ATP8B4: variants seen among roughly 807,000 people sequenced by gnomAD.
The protein encoded by ATP8B4 is probable phospholipid-transporting ATPase IM.
Under a neutral mutation model 145.6 loss-of-function variants are expected in ATP8B4, and 133 were observed. The observed-to-expected ratio is 0.91, with a 90% CI of 0.79 to 1.05. The LOEUF is 1.05. Ranked by LOEUF, ATP8B4 falls within the 50% of genes least tolerant of loss-of-function variation. The probability of loss-of-function intolerance (pLI) is 0.00; values close to 1 mark genes in which losing one functional copy is unlikely to be tolerated. For synonymous variants in ATP8B4, 507 were observed against 492.9 expected (o/e 1.03, Z -0.38); for missense variants, 1,458 against 1,425.2 (o/e 1.02, Z -0.37).
intron 12 of ATP8B4, among the ~76,000 whole-genome samples, chr15:49,975,345 T>A (rs1350922716): frequency 1.3e-5 from 2 of 152,168 alleles, no homozygotes; most frequent in African/African-American, 4.8e-5. Flanking sequence ...GTCCCTTGAA[T>A]CTGTGGGGGA....
intron 15 of ATP8B4, 149 bp from the exon 16 acceptor site, chr15:49,931,456 C>G: frequency 4.2e-6 from 3 of 714,790 alleles, no homozygotes; most frequent in Non-Finnish European, 6.8e-6. Flanking sequence ...TACTCACCAA[C>G]AGCTCAATCT....
chr15:49,883,100 G>A (rs2035676336), intron 23 of ATP8B4: 1 of 151,720 alleles, frequency 6.6e-6, no homozygotes, highest in African/African-American at 2.4e-5. Flanking sequence ...ATTTTTCCCA[G>A]GTAGTTCCAA....
chr15:50,070,884 C>T (rs751393046), intron 3 of ATP8B4, among the ~76,000 whole-genome samples: 22 of 151,988 alleles, frequency 1.4e-4, no homozygotes, highest in Non-Finnish European at 2.2e-4. Context: ...GGACTACACA[C>T]GCCCCGCACC....
intron 13 of ATP8B4, among the ~76,000 whole-genome samples, chr15:49,970,170 G>A (rs2044965480): frequency 6.6e-6 from 1 of 152,194 alleles, no homozygotes; most frequent in South Asian, 2.1e-4. Context: ...ATATCATACT[G>A]AATGGGCAAA....
At chr15:49,887,532 G>A (rs551300805) in intron 23 of ATP8B4, among the ~76,000 whole-genome samples, 29 of 151,992 alleles carry the variant, frequency 1.9e-4, no homozygotes, top group Non-Finnish European at 4.0e-4. Flanking sequence ...ACTCACAGGG[G>A]AAGCCATGGC....
chr15:50,004,296 G>C (rs914923528), intron 7 of ATP8B4, among the ~76,000 whole-genome samples: 9 of 152,184 alleles, frequency 5.9e-5, no homozygotes, highest in African/African-American at 2.2e-4. Context: ...CATGCAGGCA[G>C]GCCTATTTTC....
chr15:49,985,004 A>G (rs1555444812), intron 10 of ATP8B4, among the ~76,000 whole-genome samples: 1 of 152,240 alleles, frequency 6.6e-6, no homozygotes, highest in Non-Finnish European at 1.5e-5. Context: ...TTGTAAAGCA[A>G]ATCATATCTG....
At chr15:50,073,753 T>C (rs111858731) in intron 3 of ATP8B4, among the ~76,000 whole-genome samples, 46 of 152,260 alleles carry the variant, frequency 3.0e-4, no homozygotes, top group African/African-American at 1.1e-3. Flanking sequence ...ATCCCTCAAA[T>C]GCCATTCATC....
chr15:49,971,601 C>T (rs772279763), intron 13 of ATP8B4, among the ~76,000 whole-genome samples: 4 of 152,052 alleles, frequency 2.6e-5, no homozygotes, highest in Non-Finnish European at 5.9e-5. Flanking sequence ...GAATGGCAAT[C>T]ATTAAAAAGT....
At chr15:50,086,001 A>G (rs1442291154) in intron 2 of ATP8B4, among the ~76,000 whole-genome samples, 2 of 50,146 alleles carry the variant, frequency 4.0e-5, no homozygotes, top group Admixed American at 2.7e-4. Flanking sequence ...TATATTTATT[A>G]TATATAATAT....
intron 1 of ATP8B4, among the ~76,000 whole-genome samples, chr15:50,158,706 G>A (rs538328881): frequency 1.3e-5 from 2 of 152,372 alleles, no homozygotes; most frequent in Non-Finnish European, 2.9e-5. Flanking sequence ...GATGGTTGCT[G>A]TGTCTGGGTA....
chr15:50,082,733 TATG>T (rs2039304149), intron 2 of ATP8B4, among the ~76,000 whole-genome samples: 1 of 152,234 alleles, frequency 6.6e-6, no homozygotes, highest in Admixed American at 6.5e-5. Flanking sequence ...TAAGACTTAT[TATG>T]ATAATGATAA....
At chr15:49,942,698 G>A (rs1183517429) in intron 14 of ATP8B4, among the ~76,000 whole-genome samples, 2 of 152,018 alleles carry the variant, frequency 1.3e-5, no homozygotes, top group Non-Finnish European at 2.9e-5. Context: ...GGTGGCAGGT[G>A]CCTGTAGTCC....
At chr15:50,169,468 T>G (rs1388308100) in intron 1 of ATP8B4, among the ~76,000 whole-genome samples, 1 of 152,050 alleles carries the variant, frequency 6.6e-6, no homozygotes, top group Non-Finnish European at 1.5e-5. Flanking sequence ...GCCACATCCA[T>G]AGGAAAAGGG....
intron 1 of ATP8B4, among the ~76,000 whole-genome samples, chr15:50,168,887 G>C (rs530010208): frequency 6.6e-6 from 1 of 152,306 alleles, no homozygotes; most frequent in African/African-American, 2.4e-5. Context: ...TGGGAGCTGG[G>C]TAAGGCCTGT....
At chr15:50,172,787 C>T (rs184628784) in intron 1 of ATP8B4, among the ~76,000 whole-genome samples, 13,620 of 151,758 alleles carry the variant, frequency 0.09, 810 homozygotes, top group African/African-American at 0.16. Flanking sequence ...CGCCTCTGCC[C>T]GGCCGCGACC....
intron 8 of ATP8B4, among the ~76,000 whole-genome samples, chr15:50,000,581 T>A (rs1184405397): frequency 1.3e-5 from 2 of 152,170 alleles, no homozygotes; most frequent in African/African-American, 4.8e-5. Flanking sequence ...AGAAGTTTTT[T>A]TAAAATATAT....
intron 25 of ATP8B4, among the ~76,000 whole-genome samples, chr15:49,872,442 T>C (rs2033806324): frequency 1.3e-5 from 2 of 152,002 alleles, no homozygotes; most frequent in South Asian, 4.2e-4. Context: ...GGCACTAGAG[T>C]ATGGAAAGGG....
At chr15:50,065,594 T>C (rs936146250) in intron 3 of ATP8B4, among the ~76,000 whole-genome samples, 2 of 152,182 alleles carry the variant, frequency 1.3e-5, no homozygotes, top group African/African-American at 4.8e-5. Context: ...CCATTTATAG[T>C]TCCTTCTTCA....
Sources: allele counts gnomAD v4.1 joint callset (sites outside exome capture counted in the v4.1 genomes callset), GRCh38; gene constraint gnomAD v4.1.1; transcripts MANE v1.5; gene names NCBI Gene and HGNC (gene_info 2026-07-23, HGNC 2026-07-21).